The following HOOK2 variants were observed in gnomAD, a reference collection of about 807,000 sequenced individuals.
HOOK2 encodes the protein hook microtubule tethering protein 2, also known as protein Hook homolog 2.
Under a neutral mutation model 111.9 loss-of-function variants are expected in HOOK2, and 108 were observed. The observed-to-expected ratio is 0.96, with a 90% confidence interval of 0.83 to 1.13. The LOEUF (loss-of-function observed/expected upper bound fraction) is 1.13. Ranked by LOEUF, HOOK2 falls within the 50% of genes most tolerant of loss-of-function variation. HOOK2 has a pLI of 0.00. For synonymous variants in HOOK2, 405 were observed against 394.3 expected, an observed-to-expected ratio of 1.03 and a Z score of -0.32; for missense variants, 978 against 951.3, an observed-to-expected ratio of 1.03 and a Z score of -0.37.
At chr19:12,778,988 G>T (rs1159738502), upstream of HOOK2, among the ~76,000 whole-genome samples, 1 of 152,228 alleles carries the variant, frequency 6.6e-6, no homozygotes, top group African/African-American at 2.4e-5. Context: ...AATTCAGCAA[G>T]AGGGGCTGAA....
upstream of HOOK2, among the ~76,000 whole-genome samples, chr19:12,782,887 C>CA (rs1048102607): frequency 4.3e-5 from 5 of 116,958 alleles, no homozygotes; most frequent in African/African-American, 2.9e-4. Flanking sequence ...GAGCTGAGAC[C>CA]CCCCCCCCAG....
At chr19:12,780,252 G>A (rs1325770864), upstream of HOOK2, among the ~76,000 whole-genome samples, 1 of 152,162 alleles carries the variant, frequency 6.6e-6, no homozygotes, top group Non-Finnish European at 1.5e-5. Flanking sequence ...CAGAGTTTGG[G>A]TGGGGCTCTC....
chr19:12,773,229 T>TTA, intron 3 of HOOK2, 185 bp from the exon 4 acceptor site: 1 of 469,954 alleles, frequency 2.1e-6, no homozygotes, highest in Admixed American at 3.6e-5. Context: ...CCATCTTTGT[T>TTA]TCTTTTTTTT....
At chr19:12,768,176 G>A in intron 11 of HOOK2, 53 bp from the exon 12 acceptor site, 1 of 1,453,322 alleles carries the variant, frequency 6.9e-7, no homozygotes, top group South Asian at 1.1e-5. Flanking sequence ...GCAGGGGCAG[G>A]GGCTGAGTAC....
chr19:12,771,502 A>G (rs1217951060), intron 7 of HOOK2, 25 bp from the exon 8 acceptor site: 1 of 1,594,048 alleles, frequency 6.3e-7, no homozygotes, highest in East Asian at 2.2e-5. Context: ...GGGAAGAGGA[A>G]CTCAGGGATT....
chr19:12,787,644 C>G (rs1403722959), intron 3 of HOOK2, among the ~76,000 whole-genome samples: 1 of 150,996 alleles, frequency 6.6e-6, no homozygotes, highest in Non-Finnish European at 1.5e-5. Context: ...AAAAACAAAA[C>G]AAAACAAACA....
intron 13 of HOOK2, 50 bp from the exon 14 acceptor site, chr19:12,767,514 G>A (rs1331524629): frequency 2.8e-6 from 4 of 1,443,698 alleles, no homozygotes; most frequent in African/African-American, 1.4e-5. Flanking sequence ...CCCTGTCCCC[G>A]CCCCTAGGGT....
At chr19:12,779,786 G>C (rs1325248139), upstream of HOOK2, among the ~76,000 whole-genome samples, 1 of 152,130 alleles carries the variant, frequency 6.6e-6, no homozygotes, top group East Asian at 1.9e-4. Flanking sequence ...TGATGGGGGG[G>C]AGGGCTGGTT....
At chr19:12,788,595 C>T (rs910748808) in intron 3 of HOOK2, among the ~76,000 whole-genome samples, 7 of 151,962 alleles carry the variant, frequency 4.6e-5, no homozygotes, top group African/African-American at 1.7e-4. Context: ...TCACCTCTCT[C>T]TAGGACTCCC....
In HOOK2 at chr19:12,774,802, C is replaced by T. The variant is rs1202457538; in HGVS notation, c.131+10G>A. The T allele has an allele frequency of 6.2e-7, 1 of 1,614,064 alleles. No homozygotes were observed. The highest frequency in any genetic ancestry group is 1.7e-5 in the Admixed American group (1 of 60,016). On this transcript the variant is annotated intron_variant, in intron 2 of 22. Coordinates refer to ENST00000397668, the MANE Select transcript of HOOK2 (RefSeq NM_013312.3). ...ACACTTTTGGGATCCTCCCCTTCAG[C>T]TCCACTCACATCTGGTTCAGCACAT...
chr19:12,781,449 C>T (rs1001950480), upstream of HOOK2, among the ~76,000 whole-genome samples: 20 of 151,018 alleles, frequency 1.3e-4, no homozygotes, highest in African/African-American at 4.6e-4. Context: ...GCCTCAGCCT[C>T]CCCAGTAGCT....
At position 12,763,735 on chromosome 19, in the gene HOOK2, GC is replaced by G; in HGVS notation, c.1870del (p.Ala624HisfsTer8). ...CCTCAGGGAATGGAGTTCTGGAGGTGCCCCCGCAGCTGGCCGCTGCTTGGGT... is the reference window on the plus strand; with the variant it reads ...CCTCAGGGAATGGAGTTCTGGAGGTGCCCCGCAGCTGGCCGCTGCTTGGGT... ...MEPKQRPAAGAPPELHSLRTQ... is the reference protein window; with the variant it reads ...MEPKQRPAAGXPPELHSLRTQ... On this transcript the variant is annotated frameshift_variant, in exon 21 of 23. Coordinates refer to ENST00000397668, the MANE Select transcript of HOOK2 (RefSeq NM_013312.3). LOFTEE classifies it high-confidence loss of function. The G allele has an allele frequency of 6.2e-7, 1 of 1,614,148 alleles. No homozygotes were observed. Among genetic ancestry groups the G allele is most frequent in the Admixed American group, 1.7e-5 (1 of 60,018 alleles).
chr19:12,791,652 C>T lies in HOOK2; in HGVS notation n.42-17427G>A, dbSNP rs995947875. 1.5e-6 allele frequency: 1 copy of T among 688,756 alleles called. No homozygotes were observed. Among genetic ancestry groups the T allele is most frequent in the Non-Finnish European group, 2.3e-6 (1 of 444,276 alleles). The allele number at this position is 688,756 out of a possible 1,614,324, so 42.7% of individuals were successfully genotyped here. On this transcript the variant is annotated intron_variant and non_coding_transcript_variant, in intron 3 of 3. Transcript: ENST00000589765. The surrounding 1 kb of genome is among the most constrained non-coding windows in gnomAD (Gnocchi z 7.0). ...CTGGCTGCTACCCGCCCGCGCCAGC[C>T]CCCGAGAACGCGCGACCAGGCACCC...
chr19:12,770,927 C>T lies in HOOK2; in HGVS notation c.902+5G>A, dbSNP rs959808046. On this transcript the variant is annotated splice_donor_5th_base_variant and intron_variant, in intron 10 of 22. Transcript: ENST00000397668. ...GTGATGGGGACCCAGGAACCCACCA[C>T]TCACCGTAGTTCATCCATCTCATCC... 1.9e-6 allele frequency: 3 copies of T among 1,593,342 alleles called. No individual in the cohort carries two copies. The highest frequency in any genetic ancestry group is 3.4e-5 in the Admixed American group (2 of 59,386).
At position 12,767,870 on chromosome 19, in the gene HOOK2, C is replaced by T. The variant is rs760689919; in HGVS notation, c.1249G>A (p.Ala417Thr). Reference sequence around the variant, plus strand: ...TGGGCGCAGCGCAGCTCCTCATTGGCCTCCCGCAAGGAGTCCCGCTCCGCC... The same window carrying T: ...TGGGCGCAGCGCAGCTCCTCATTGGTCTCCCGCAAGGAGTCCCGCTCCGCC... The part of the protein sequence containing the change: ...LLAERDSLRE[A>T]NEELRCAQLQ... Residue 417 changes from alanine to threonine, a missense_variant, in exon 13 of 23, where the codon GCC becomes ACC. Ala to Thr is a moderately conservative substitution (Grantham distance 58). This residue lies in a region of HOOK2 where 388 missense variants were observed against 358.3 expected (regional missense o/e 1.08). Transcript: ENST00000397668. 1.2e-6 allele frequency: 2 copies of T among 1,608,236 alleles called. No individual in the cohort carries two copies. The highest frequency in any genetic ancestry group is 1.7e-6 in the Non-Finnish European group (2 of 1,179,914).
In HOOK2 at chr19:12,763,596, C is replaced by T; in HGVS notation, c.1942G>A (p.Asp648Asn). Residue 648 changes from aspartate (D) to asparagine (N), a missense_variant, in exon 22 of 23, where the codon GAC becomes AAC. Asp to Asn is a conservative substitution (Grantham distance 23, BLOSUM62 1). This residue lies in a region of HOOK2 where 277 missense variants were observed against 265.8 expected (regional missense o/e 1.04). Transcript: ENST00000397668. ...RDVRIRHLEM[D>N]FEKSRSQREQ... The stretch of plus-strand genomic sequence containing the variant: ...CGCTGACTTCGGCTTTTCTCAAAGT[C>T]CATCTGTCAAGGAGGCAAGTGTCAG... 1 of 1,614,234 alleles carries T rather than the reference C, an allele frequency of 6.2e-7. No homozygotes were observed. Among genetic ancestry groups the T allele is most frequent in the Non-Finnish European group, 8.5e-7 (1 of 1,180,034 alleles).
upstream of HOOK2, among the ~76,000 whole-genome samples, chr19:12,780,085 G>A (rs1968584206): frequency 1.3e-5 from 2 of 152,182 alleles, no homozygotes; most frequent in African/African-American, 4.8e-5. Flanking sequence ...GGGAGGCAGA[G>A]ATTGCAGTGA....
chr19:12,779,474 C>T (rs1239046421), upstream of HOOK2, among the ~76,000 whole-genome samples: 4 of 151,950 alleles, frequency 2.6e-5, no homozygotes, highest in African/African-American at 9.7e-5. Context: ...CTAGCCAGTC[C>T]CCCCTCCCTG....
chr19:12,764,924 G>T lies in HOOK2; in HGVS notation c.1724-7C>A. 1 of 1,614,078 alleles carries T rather than the reference G, an allele frequency of 6.2e-7. No homozygotes were observed. Reference sequence around the variant, plus strand: ...TCCTCGATCCGCCGGGCTGCTGGCGGAAGAGGTGGCCCATCAGCTCCACGC... The same window carrying T: ...TCCTCGATCCGCCGGGCTGCTGGCGTAAGAGGTGGCCCATCAGCTCCACGC... On this transcript the variant is annotated splice_region_variant and splice_polypyrimidine_tract_variant and intron_variant, in intron 19 of 22. Transcript: ENST00000397668.
Sources: gnomAD v4.1 joint callset for allele counts (sites outside exome capture counted in the v4.1 genomes callset) on GRCh38, gnomAD v4.1.1 for gene constraint, gnomAD v4.1.1 regional missense constraint, Gnocchi (gnomAD v3.1) non-coding constraint, MANE v1.5 for transcripts, NCBI Gene and HGNC (gene_info 2026-07-23, HGNC 2026-07-21) for gene names.